SMAD3: variants seen among roughly 807,000 people sequenced by gnomAD.
SMAD3 encodes SMAD family member 3.
SMAD3 carries 12 observed loss-of-function variants against 51.8 expected under a neutral mutation model. The observed-to-expected ratio is 0.23, with a 90% CI of 0.15 to 0.38. The LOEUF (loss-of-function observed/expected upper bound fraction) is 0.38, where lower values mean the gene tolerates loss of function less well. Ranked by LOEUF, SMAD3 falls within the 10% of genes least tolerant of loss-of-function variation. The pLI is 1.00. For missense variants in SMAD3, 294 were observed against 565.6 expected (o/e 0.52, Z 4.87); for synonymous variants, 238 against 227.7 (o/e 1.05, Z -0.41).
chr15:67,175,739 C>G (rs1280064597), intron 5 of SMAD3, among the ~76,000 whole-genome samples: 1 of 152,190 alleles, frequency 6.6e-6, no homozygotes, highest in Non-Finnish European at 1.5e-5. Context: ...CCCCTGTGCC[C>G]ATGTGTGAGC....
chr15:67,102,835 T>A (rs1861789595), intron 1 of SMAD3, among the ~76,000 whole-genome samples: 1 of 152,214 alleles, frequency 6.6e-6, no homozygotes, highest in African/African-American at 2.4e-5. Flanking sequence ...GCAGCCCCTC[T>A]GCTCCTCCCA....
intron 2 of SMAD3, 45 bp from the exon 3 acceptor site, chr15:67,165,208 C>T (rs376837999): frequency 7.4e-6 from 12 of 1,614,120 alleles, no homozygotes; most frequent in Non-Finnish European, 1.0e-5. Flanking sequence ...TGGTGCTGGT[C>T]TGGCATCGAC....
chr15:67,126,417 C>T lies in SMAD3; in HGVS notation c.207-38478C>T, dbSNP rs577429618. 2.6e-4 allele frequency among the ~76,000 whole-genome samples: 39 copies of T among 152,294 alleles called. 1 individual carries two copies. The South Asian group carries it at 7.9e-3, about 31-fold the overall frequency. ...ACCACAGCTGTCTGTTTCTTGGCCTCTCCCTAGATTTCTAATGGAACTCTT... is the reference window on the plus strand; with the variant it reads ...ACCACAGCTGTCTGTTTCTTGGCCTTTCCCTAGATTTCTAATGGAACTCTT... On this transcript the variant is annotated intron_variant, in intron 1 of 8. Coordinates refer to ENST00000327367, the MANE Select transcript of SMAD3 (RefSeq NM_005902.4).
chr15:67,087,079 G>A (rs1321060961), intron 1 of SMAD3, among the ~76,000 whole-genome samples: 1 of 151,886 alleles, frequency 6.6e-6, no homozygotes, highest in Non-Finnish European at 1.5e-5. Flanking sequence ...GTAGAGATGG[G>A]GTTTCACTAT....
At chr15:67,187,187 G>T (rs1396221291) in intron 7 of SMAD3, 178 bp from the exon 8 acceptor site, 6 of 755,040 alleles carry the variant, frequency 7.9e-6, no homozygotes, top group Non-Finnish European at 1.2e-5. Context: ...GACTGGGTTG[G>T]CCTTCCCTTT....
At chr15:67,110,597 A>G (rs1304933569) in intron 1 of SMAD3, among the ~76,000 whole-genome samples, 1 of 152,128 alleles carries the variant, frequency 6.6e-6, no homozygotes, top group Non-Finnish European at 1.5e-5. Context: ...GCAAATGCTC[A>G]TTGTTACTTG....
intron 1 of SMAD3, among the ~76,000 whole-genome samples, chr15:67,141,131 C>G (rs1595923887): frequency 6.6e-6 from 1 of 152,216 alleles, no homozygotes; most frequent in Non-Finnish European, 1.5e-5. Context: ...TCTCCCAATT[C>G]CGGCAACGGG....
At chr15:67,187,336 C>T (rs1567003411) in intron 7 of SMAD3, 29 bp from the exon 8 acceptor site, 3 of 1,614,124 alleles carry the variant, frequency 1.9e-6, no homozygotes, top group Non-Finnish European at 1.7e-6. Flanking sequence ...ACTTCCATCC[C>T]CACAGCCCTG....
At chr15:67,145,784 G>T (rs1034709687) in intron 1 of SMAD3, among the ~76,000 whole-genome samples, 1 of 152,192 alleles carries the variant, frequency 6.6e-6, no homozygotes, top group Non-Finnish European at 1.5e-5. Flanking sequence ...AAGGAGAGGA[G>T]CCAGCTTTCC....
chr15:67,163,795 T>C (rs1962494729), intron 1 of SMAD3, among the ~76,000 whole-genome samples: 1 of 151,936 alleles, frequency 6.6e-6, no homozygotes, highest in Non-Finnish European at 1.5e-5. Flanking sequence ...CAATTGTAAG[T>C]AGGCACAGTA....
intron 1 of SMAD3, among the ~76,000 whole-genome samples, chr15:67,160,770 C>CAAAAAAAAAAAAAAAAAAAAAAAAAAA (rs547354315): frequency 3.3e-5 from 2 of 61,038 alleles, no homozygotes; most frequent in African/African-American, 1.5e-4. Flanking sequence ...GACTCCATCT[C>CAAAAAAAAAAAAAAAAAAAAAAAAAAA]AAAAAAAAAA....
intron 1 of SMAD3, among the ~76,000 whole-genome samples, chr15:67,081,776 G>A (rs1397096170): frequency 6.6e-6 from 1 of 152,096 alleles, no homozygotes; most frequent in Non-Finnish European, 1.5e-5. Context: ...CCTTCCCCGG[G>A]AGCCTCCTGG....
chr15:67,148,366 A>G (rs1404632931), intron 1 of SMAD3, among the ~76,000 whole-genome samples: 1 of 152,196 alleles, frequency 6.6e-6, no homozygotes, highest in Non-Finnish European at 1.5e-5. Context: ...TGGGCCATAT[A>G]TCTGTGTGCT....
intron 6 of SMAD3, among the ~76,000 whole-genome samples, chr15:67,184,191 C>G (rs531257492): frequency 1.3e-5 from 2 of 151,180 alleles, no homozygotes; most frequent in East Asian, 3.9e-4. Context: ...AGTCTTGAAC[C>G]CCTGGGCTCA....
intron 1 of SMAD3, among the ~76,000 whole-genome samples, chr15:67,162,111 G>T (rs1366071657): frequency 6.6e-6 from 1 of 152,158 alleles, no homozygotes; most frequent in Non-Finnish European, 1.5e-5. Context: ...TATGACCTTT[G>T]TCTGTCCTTT....
chr15:67,151,996 A>G (rs1962160359), intron 1 of SMAD3, among the ~76,000 whole-genome samples: 1 of 152,166 alleles, frequency 6.6e-6, no homozygotes, highest in African/African-American at 2.4e-5. Flanking sequence ...ATAATATTGT[A>G]ATATATGATT....
intron 5 of SMAD3, among the ~76,000 whole-genome samples, chr15:67,178,897 T>C (rs1014077342): frequency 8.5e-5 from 13 of 152,172 alleles, no homozygotes; most frequent in African/African-American, 2.9e-4. Context: ...CCTTCATCCT[T>C]ATCTTCCTTT....
rs887166467 is a variant in SMAD3, at chr15:67,066,336, A to C, written c.182A>C (p.Asn61Thr). Residue 61 changes from asparagine (N) to threonine (T), a missense_variant, in exon 1 of 9, where the codon AAC becomes ACC. Asn to Thr is a moderately conservative substitution (Grantham distance 65). Around this residue, in one of 3 missense-constraint regions of SMAD3, gnomAD observed 147 missense variants for 260.9 expected, o/e 0.56. Coordinates refer to ENST00000327367, the MANE Select transcript of SMAD3 (RefSeq NM_005902.4). Reference sequence around the variant, plus strand: ...AAGGCCATCACCACGCAGAACGTCAACACCAAGTGCATCACCATCCCCAGG... The same window carrying C: ...AAGGCCATCACCACGCAGAACGTCACCACCAAGTGCATCACCATCCCCAGG... ...LEKAITTQNV[N>T]TKCITIPRSL... The C allele has an allele frequency of 6.2e-7, 1 of 1,613,222 alleles. No homozygotes were observed.
chr15:67,175,293 T>C (rs921150629), intron 5 of SMAD3, among the ~76,000 whole-genome samples: 7 of 152,096 alleles, frequency 4.6e-5, no homozygotes, highest in Non-Finnish European at 1.0e-4. Context: ...GGTGATGGCT[T>C]CCAGAGTGCC....
Sources: allele counts gnomAD v4.1 joint callset (sites outside exome capture counted in the v4.1 genomes callset), GRCh38; gene constraint gnomAD v4.1.1; regional missense constraint gnomAD v4.1.1; transcripts MANE v1.5; gene names NCBI Gene and HGNC (gene_info 2026-07-23, HGNC 2026-07-21).